Variants in TPD52L1 observed in about 807,000 individuals in gnomAD.
TPD52L1 encodes tumor protein D53.
In TPD52L1, 18 loss-of-function variants were observed where a neutral mutation model predicts 28.7. That is an observed-to-expected ratio of 0.63 (90% CI 0.43 to 0.93). The LOEUF (loss-of-function observed/expected upper bound fraction) is 0.93. Among genes scored for constraint, TPD52L1 ranks in the 40% least tolerant of loss-of-function variants. The pLI, the probability that TPD52L1 is intolerant of heterozygous loss-of-function variation, is 0.00. For missense variants in TPD52L1, 203 were observed against 254.8 expected, an observed-to-expected ratio of 0.80 and a Z score of 1.39; for synonymous variants, 75 against 88.8, an observed-to-expected ratio of 0.84 and a Z score of 0.88.
intron 1 of TPD52L1, among the ~76,000 whole-genome samples, chr6:125,200,311 G>A (rs1479028507): frequency 6.6e-6 from 1 of 152,126 alleles, no homozygotes; most frequent in African/African-American, 2.4e-5. Flanking sequence ...GCCACAAACA[G>A]ATTTTCGTAG....
At chr6:125,171,816 T>G (rs1464250839) in intron 1 of TPD52L1, among the ~76,000 whole-genome samples, 1 of 152,180 alleles carries the variant, frequency 6.6e-6, no homozygotes, top group Non-Finnish European at 1.5e-5. Context: ...CCACAGAAAC[T>G]CTGAGATAAT....
chr6:125,229,032 G>C (rs562246332), intron 2 of TPD52L1, 86 bp from the exon 3 acceptor site: 2 of 1,440,560 alleles, frequency 1.4e-6, no homozygotes, highest in Non-Finnish European at 1.9e-6. Flanking sequence ...AGGGTCAGAG[G>C]CTGCTTTGGA....
At chr6:125,172,144 C>CT (rs377040397) in intron 1 of TPD52L1, among the ~76,000 whole-genome samples, 39 of 60,610 alleles carry the variant, frequency 6.4e-4, no homozygotes, top group Admixed American at 1.9e-3. Flanking sequence ...TTCTTTCTTT[C>CT]TTTCTTTCTT....
In TPD52L1 at chr6:125,153,936, C is replaced by T; in HGVS notation, c.-16C>T. 1 of 1,604,900 alleles carries T rather than the reference C, an allele frequency of 6.2e-7. No individual in the cohort carries two copies. Among genetic ancestry groups the T allele is most frequent in the Non-Finnish European group, 8.5e-7 (1 of 1,178,040 alleles). ...ACCAGGGTGTCCCCGCCGCCCTCAG[C>T]TCGAAGTCAGCCACCATGGAGGCGC... On this transcript the variant is annotated 5_prime_UTR_variant, in exon 1 of 7. Coordinates refer to ENST00000534000, the MANE Select transcript of TPD52L1 (RefSeq NM_003287.4).
intron 1 of TPD52L1, among the ~76,000 whole-genome samples, chr6:125,190,868 C>T (rs1174693947): frequency 6.6e-6 from 1 of 152,202 alleles, no homozygotes; most frequent in African/African-American, 2.4e-5. Context: ...GCCTTGCTGG[C>T]TTGCCTGCCA....
rs540978991 is a variant in TPD52L1 at position 125,203,749 on chromosome 6, A to G, written c.20-16329A>G. On this transcript the variant is annotated intron_variant, in intron 1 of 6. Transcript: ENST00000534000. ...GTTGGCTCCCCTGGAGTGAAGTTCT[A>G]CACAGACCCTGGAGGAACCACCCCA... 27 of 985,434 alleles carry G rather than the reference A, an allele frequency of 2.7e-5. No individual in the cohort carries two copies. In the South Asian group the frequency reaches 1.0e-3, roughly 38 times the overall value. The allele number at this position is 985,434 out of a possible 1,614,324, so 61.0% of individuals were successfully genotyped here.
chr6:125,224,011 C>T (rs1424086582), intron 2 of TPD52L1, among the ~76,000 whole-genome samples: 1 of 151,698 alleles, frequency 6.6e-6, no homozygotes, highest in Admixed American at 6.6e-5. Flanking sequence ...TATTTATTCT[C>T]ATTGGTCTTA....
Position 125,182,470 on chromosome 6 carries a change from G to A in TPD52L1, c.19+28500G>A, listed in dbSNP as rs1009759051. On this transcript the variant is annotated intron_variant, in intron 1 of 6. Coordinates refer to ENST00000534000, the MANE Select transcript of TPD52L1 (RefSeq NM_003287.4). ...CTGGTAGTCAGGAGAGGATCATTGA[G>A]GGGGTGGTTTTTGAGAGTTGGTTTA... is the stretch of plus-strand genomic sequence containing the variant. Among the ~76,000 whole-genome samples the A allele has an allele frequency of 3.4e-5, 5 of 148,212 alleles. No individual in the cohort carries two copies. In the South Asian group the frequency reaches 1.0e-3, roughly 31 times the overall value.
At chr6:125,167,378 C>T (rs541514) in intron 1 of TPD52L1, among the ~76,000 whole-genome samples, 89,232 of 152,032 alleles carry the variant, frequency 0.59, 28,834 homozygotes, top group African/African-American at 0.87. Flanking sequence ...AGGGCATTAC[C>T]GGAAAGGAAA....
intron 1 of TPD52L1, among the ~76,000 whole-genome samples, chr6:125,173,063 T>C (rs1582857907): frequency 6.6e-6 from 1 of 152,106 alleles, no homozygotes; most frequent in East Asian, 1.9e-4. Context: ...GACCAATTGG[T>C]TTATCGATCA....
intron 1 of TPD52L1, among the ~76,000 whole-genome samples, chr6:125,180,927 T>C: frequency 1.1e-5 from 1 of 87,924 alleles, no homozygotes; most frequent in African/African-American, 1.1e-4. Flanking sequence ...GTATATCTGA[T>C]TGTATTCACA....
rs111562007 is a variant in TPD52L1 at position 125,154,236 on chromosome 6, T to C, written c.19+266T>C. 66 of 1,258,862 alleles carry C rather than the reference T, an allele frequency of 5.2e-5. No homozygotes were observed. The South Asian group carries it at 5.3e-4, about 10-fold the overall frequency. 78.0% of individuals were successfully genotyped at this position (1,258,862 alleles called of 1,614,324 possible). The stretch of plus-strand genomic sequence containing the variant: ...TGCGCCCGTGGAATGCTCTACCCTC[T>C]TCCGCAGCCAGTCGCCCCTGGCCTT... On this transcript the variant is annotated intron_variant, in intron 1 of 6. Coordinates refer to ENST00000534000, the MANE Select transcript of TPD52L1 (RefSeq NM_003287.4).
Position 125,216,529 on chromosome 6 carries a change from GTATATATATATATATATATATATA to G in TPD52L1, c.20-3529_20-3506del, listed in dbSNP as rs56135453. Among the ~76,000 whole-genome samples the G allele has an allele frequency of 2.3e-4, 16 of 69,076 alleles. 1 individual carries two copies. The highest frequency in any genetic ancestry group is 5.1e-4 in the African/African-American group (6 of 11,806). The allele number at this position is 69,076 out of a possible 152,430, so 45.3% of individuals were successfully genotyped here. A position where few individuals can be genotyped will look rare whatever the true frequency, so the allele number is the denominator to read the frequency against. ...GCAACAGTAAATTCAGTATGTGTGT[GTATATATATATATATATATATATA>G]TATATATATATATATATATGAAAAT... On this transcript the variant is annotated intron_variant, in intron 1 of 6. Transcript: ENST00000534000.
chr6:125,248,601 G>A (rs1797061469), intron 4 of TPD52L1: 2 of 500,076 alleles, frequency 4.0e-6, no homozygotes, highest in Non-Finnish European at 7.2e-6. Flanking sequence ...CAGAGTTGCT[G>A]TTTCTACTAG....
chr6:125,221,690 G>A lies in TPD52L1; in HGVS notation c.135+1497G>A, dbSNP rs117571222. 8.9e-4 allele frequency among the ~76,000 whole-genome samples: 135 copies of A among 152,248 alleles called. 1 individual carries two copies. In the East Asian group the frequency reaches 0.015, roughly 17 times the overall value. On this transcript the variant is annotated intron_variant, in intron 2 of 6. Transcript: ENST00000534000. ...AAAAAAGTAAGTATTGGTTTTAAAT[G>A]GATGCCCCATGAATATGAAAAAATA...
rs1798196339 is a variant in TPD52L1, at chr6:125,264,017, T to G, written c.*1055T>G. The G allele has an allele frequency of 6.6e-6, 1 of 152,194 alleles. No individual in the cohort carries two copies. The highest frequency in any genetic ancestry group is 1.5e-5 in the Non-Finnish European group (1 of 68,036). 9.4% of individuals were successfully genotyped at this position (152,194 alleles called of 1,614,324 possible). On this transcript the variant is annotated 3_prime_UTR_variant, in exon 7 of 7. Transcript: ENST00000534000. ...CAGTAGTAGTTAGTCAGATAAAGGA[T>G]ATCCAAAAAAGAGATAGCTAGAAAA...
intron 3 of TPD52L1, among the ~76,000 whole-genome samples, chr6:125,245,807 A>G (rs939777197): frequency 3.9e-5 from 6 of 152,182 alleles, no homozygotes; most frequent in East Asian, 1.9e-4. Flanking sequence ...CCTGTGCACA[A>G]TGAACTCAGA....
At chr6:125,164,427 GA>G (rs1248566996) in intron 1 of TPD52L1, among the ~76,000 whole-genome samples, 1 of 152,094 alleles carries the variant, frequency 6.6e-6, no homozygotes, top group Admixed American at 6.5e-5. Flanking sequence ...AACCAATACA[GA>G]ATTTTATCAC....
At chr6:125,256,375 G>A (rs1706446017) in intron 5 of TPD52L1, among the ~76,000 whole-genome samples, 3 of 152,106 alleles carry the variant, frequency 2.0e-5, no homozygotes, top group South Asian at 2.1e-4. Context: ...CCATTAGGCT[G>A]CAAAGGTTCT....
Sources: gnomAD v4.1 joint callset for allele counts (sites outside exome capture counted in the v4.1 genomes callset) on GRCh38, gnomAD v4.1.1 for gene constraint, MANE v1.5 for transcripts, NCBI Gene and HGNC (gene_info 2026-07-23, HGNC 2026-07-21) for gene names.